ITPR2: variants seen among roughly 807,000 people sequenced by gnomAD.
The protein encoded by ITPR2 is inositol 1,4,5-trisphosphate-gated calcium channel ITPR2.
In ITPR2, 207 loss-of-function variants were observed where a neutral mutation model predicts 317.1. That is an observed-to-expected ratio of 0.65 (90% confidence interval 0.58 to 0.73). ITPR2 has a LOEUF of 0.73. ITPR2 is among the 30% of genes least tolerant of loss of function. The pLI is 0.00. For missense variants in ITPR2, 2,613 were observed against 3,284.0 expected (o/e 0.80, Z 4.99); for synonymous variants, 1,156 against 1,149.1 (o/e 1.01, Z -0.12).
chr12:26,517,964 A>G (rs1449740113), intron 37 of ITPR2, among the ~76,000 whole-genome samples: 1 of 152,230 alleles, frequency 6.6e-6, no homozygotes, highest in Non-Finnish European at 1.5e-5. Flanking sequence ...CAGTTTGGAG[A>G]TTTCTCAGAG....
intron 45 of ITPR2, among the ~76,000 whole-genome samples, chr12:26,452,259 A>G (rs1941759832): frequency 6.6e-6 from 1 of 152,036 alleles, no homozygotes; most frequent in Admixed American, 6.6e-5. Flanking sequence ...TTTTTTTTAA[A>G]CCAAAATTAA....
chr12:26,525,636 C>A (rs927836461), intron 37 of ITPR2, among the ~76,000 whole-genome samples: 1 of 152,146 alleles, frequency 6.6e-6, no homozygotes, highest in African/African-American at 2.4e-5. Context: ...AAACTTTACA[C>A]CATATAAATA....
chr12:26,793,631 T>C (rs1950380597), intron 1 of ITPR2, among the ~76,000 whole-genome samples: 1 of 152,184 alleles, frequency 6.6e-6, no homozygotes, highest in Non-Finnish European at 1.5e-5. Context: ...TACTCACCAT[T>C]ATAGGGCCAT....
At chr12:26,779,702 T>C (rs1309615041) in intron 2 of ITPR2, among the ~76,000 whole-genome samples, 1 of 152,174 alleles carries the variant, frequency 6.6e-6, no homozygotes, top group Non-Finnish European at 1.5e-5. Flanking sequence ...AGGACATCCA[T>C]GAAGGAGAGC....
chr12:26,766,564 G>A lies in ITPR2; in HGVS notation c.163+23593C>T, dbSNP rs559230891. On this transcript the variant is annotated intron_variant, in intron 2 of 56. Coordinates refer to ENST00000381340, the MANE Select transcript of ITPR2 (RefSeq NM_002223.4). ...TTGGAAATATCTTCTCCCTTTCTTTGGACTGCATTTTCACTTTCTTGATGG... is the reference window on the plus strand; with the variant it reads ...TTGGAAATATCTTCTCCCTTTCTTTAGACTGCATTTTCACTTTCTTGATGG... 5.3e-5 allele frequency among the ~76,000 whole-genome samples: 8 copies of A among 151,932 alleles called. No individual in the cohort carries two copies. In the East Asian group the frequency reaches 1.5e-3, roughly 29 times the overall value.
chr12:26,559,909 A>G (rs1163651323), intron 35 of ITPR2, among the ~76,000 whole-genome samples: 3 of 152,176 alleles, frequency 2.0e-5, no homozygotes, highest in Non-Finnish European at 1.5e-5. Flanking sequence ...CCACCCTCCC[A>G]GTAATTCTCC....
At chr12:26,517,666 C>T (rs1185049012) in intron 37 of ITPR2, among the ~76,000 whole-genome samples, 2 of 152,126 alleles carry the variant, frequency 1.3e-5, no homozygotes, top group East Asian at 1.9e-4. Flanking sequence ...GGCAAAACCA[C>T]ATCTCTCCTA....
intron 2 of ITPR2, among the ~76,000 whole-genome samples, chr12:26,786,534 A>G (rs566358788): frequency 2.9e-4 from 44 of 152,138 alleles, no homozygotes; most frequent in African/African-American, 1.1e-3. Flanking sequence ...TGTTTCTGTT[A>G]ATATCAATCT....
chr12:26,386,277 A>T (rs1203377882), intron 55 of ITPR2, among the ~76,000 whole-genome samples: 1 of 152,046 alleles, frequency 6.6e-6, no homozygotes, highest in Non-Finnish European at 1.5e-5. Flanking sequence ...GAAGACAAAC[A>T]ATGTTAGGTT....
rs61757116 is a variant in ITPR2, at chr12:26,340,184, C to T, written c.8002G>A (p.Ala2668Thr). 2.6e-3 allele frequency: 4,111 copies of T among 1,604,644 alleles called. 7 individuals are homozygous for T. The highest frequency in any genetic ancestry group is 3.2e-3 in the Non-Finnish European group (3,821 of 1,175,772). Residue 2668 changes from alanine to threonine, a missense_variant, in exon 56 of 57, where the codon GCG becomes ACG. Physicochemically the swap from Ala to Thr is moderately conservative, Grantham distance 58. Transcript: ENST00000381340. ...SLVKQLSGQL[A>T]ELKEQMTEQR... is the part of the protein sequence containing the mutation. ...GCACCCACCTGCTCCTTGAGCTCCG[C>T]CAGCTGACCCGACAGCTGTTTGACC...
chr12:26,535,180 T>C (rs549683760), intron 37 of ITPR2, among the ~76,000 whole-genome samples: 1 of 152,344 alleles, frequency 6.6e-6, no homozygotes, highest in East Asian at 1.9e-4. Flanking sequence ...AAAGTTGTTC[T>C]ACTAATTGAG....
intron 2 of ITPR2, among the ~76,000 whole-genome samples, chr12:26,737,031 G>A (rs890388745): frequency 2.0e-5 from 3 of 152,128 alleles, no homozygotes; most frequent in African/African-American, 7.2e-5. Flanking sequence ...AGGGAGGAAA[G>A]TTTTTCCCTA....
At chr12:26,639,751 G>C (rs1031671032) in intron 21 of ITPR2, among the ~76,000 whole-genome samples, 5 of 151,508 alleles carry the variant, frequency 3.3e-5, no homozygotes, top group Non-Finnish European at 7.4e-5. Flanking sequence ...ATAGTTTGCT[G>C]AGAATGATGG....
intron 55 of ITPR2, among the ~76,000 whole-genome samples, chr12:26,379,421 T>C (rs10771280): frequency 0.26 from 39,275 of 152,078 alleles, 5,984 homozygotes; most frequent in East Asian, 0.68. Context: ...ATGTCAGTTA[T>C]GTTAGTTGTA....
intron 37 of ITPR2, among the ~76,000 whole-genome samples, chr12:26,503,190 A>AACACACACACACACAC (rs57271500): frequency 0.12 from 16,289 of 138,964 alleles, 1,214 homozygotes; most frequent in Middle Eastern, 0.18. Flanking sequence ...GCCCCCCACC[A>AACACACACACACACAC]ACACACACAC....
intron 39 of ITPR2, among the ~76,000 whole-genome samples, chr12:26,491,113 T>A (rs1388821003): frequency 6.6e-6 from 1 of 152,080 alleles, no homozygotes; most frequent in Non-Finnish European, 1.5e-5. Flanking sequence ...TCATGAAGTA[T>A]CTTATGGACT....
rs1941384872 is a variant in ITPR2 at position 26,437,564 on chromosome 12, T to C, written c.6644-1218A>G. Among the ~76,000 whole-genome samples the C allele has an allele frequency of 2.0e-5, 3 of 152,344 alleles. No homozygotes were observed. In the South Asian group the frequency reaches 6.2e-4, roughly 32 times the overall value. Reference sequence around the variant, plus strand: ...TAGAAGATGTTGATGCATGTATTTGTAATAACAAATTCTCACTATTGAATC... The same window carrying C: ...TAGAAGATGTTGATGCATGTATTTGCAATAACAAATTCTCACTATTGAATC... On this transcript the variant is annotated intron_variant, in intron 47 of 56. Transcript: ENST00000381340.
chr12:26,448,649 A>C (rs1941668054), intron 45 of ITPR2, among the ~76,000 whole-genome samples: 1 of 152,198 alleles, frequency 6.6e-6, no homozygotes, highest in African/African-American at 2.4e-5. Context: ...TGAGGAGGGG[A>C]TCCAAAGCAT....
chr12:26,350,128 G>T (rs565434668), intron 55 of ITPR2, among the ~76,000 whole-genome samples: 1 of 152,254 alleles, frequency 6.6e-6, no homozygotes, highest in African/African-American at 2.4e-5. Context: ...GTAGGTGTGA[G>T]CCTGAAGGCC....
Sources: gnomAD v4.1 joint callset for allele counts (sites outside exome capture counted in the v4.1 genomes callset) on GRCh38, gnomAD v4.1.1 for gene constraint, MANE v1.5 for transcripts, NCBI Gene and HGNC (gene_info 2026-07-23, HGNC 2026-07-21) for gene names.